Variants in ZNF700 observed in about 807,000 individuals in gnomAD.
ZNF700 encodes the protein zinc finger protein 700.
Under a neutral mutation model 65.3 loss-of-function variants are expected in ZNF700, and 38 were observed. The observed-to-expected ratio is 0.58, with a 90% CI of 0.45 to 0.76. ZNF700 has a LOEUF of 0.76. Ranked by LOEUF, ZNF700 falls within the 30% of genes least tolerant of loss-of-function variation. The pLI is 0.00. For synonymous variants in ZNF700, 285 were observed against 290.4 expected (o/e 0.98, Z 0.19); for missense variants, 857 against 888.4 (o/e 0.96, Z 0.45).
intron 1 of ZNF700, among the ~76,000 whole-genome samples, chr19:11,941,603 A>G (rs1006369215): frequency 6.6e-6 from 1 of 152,104 alleles, no homozygotes; most frequent in African/African-American, 2.4e-5. Flanking sequence ...CGGGGCCGCC[A>G]AGCCCACGCC....
chr19:11,929,211 G>C (rs930544655), intron 1 of ZNF700, among the ~76,000 whole-genome samples: 1 of 148,338 alleles, frequency 6.7e-6, no homozygotes, highest in African/African-American at 2.6e-5. Flanking sequence ...TGTCACCCAG[G>C]CTGGAGTGCA....
At chr19:11,935,233 GT>G (rs1278688727) in intron 1 of ZNF700, among the ~76,000 whole-genome samples, 2,895 of 93,166 alleles carry the variant, frequency 0.031, 27 homozygotes, top group African/African-American at 0.12. Flanking sequence ...GAAAGATCTT[GT>G]TTTTTTTTTT....
chr19:11,932,872 C>T lies in ZNF700; in HGVS notation c.63+7599C>T, dbSNP rs568434572. ...CAGGATGGTCTCAATATCCTGACCT[C>T]GTGATCCGCCTGCCTCAGCCTCCCA... is the stretch of plus-strand genomic sequence containing the variant. On this transcript the variant is annotated intron_variant, in intron 1 of 3. Transcript: ENST00000254321. Among the ~76,000 whole-genome samples, 8 of 148,170 alleles carry T rather than the reference C, an allele frequency of 5.4e-5. 1 individual carries two copies. In the East Asian group the frequency reaches 7.7e-4, roughly 14 times the overall value.
chr19:11,949,812 A>T lies in ZNF700; in HGVS notation c.1788A>T (p.Gln596His). The change falls in exon 4 of 4, where the codon CAA becomes CAT. Residue 596 changes from glutamine to histidine, a missense_variant. By Grantham distance (24) the Gln-to-His change is conservative. Coordinates refer to ENST00000254321, the MANE Select transcript of ZNF700 (RefSeq NM_144566.3). ...HTGEKPYECK[Q>H]CGKAFSCASN... ...GAGAGAAACCCTATGAGTGTAAGCA[A>T]TGTGGGAAAGCCTTCAGTTGTGCCT... 1 of 1,607,368 alleles carries T rather than the reference A, an allele frequency of 6.2e-7. No homozygotes were observed. The highest frequency in any genetic ancestry group is 8.5e-7 in the Non-Finnish European group (1 of 1,177,354).
chr19:11,931,011 AAAC>A (rs1435736840), intron 1 of ZNF700, among the ~76,000 whole-genome samples: 1 of 147,718 alleles, frequency 6.8e-6, no homozygotes. Context: ...AAAAAAAAAA[AAAC>A]AACATAGATG....
Position 11,930,141 on chromosome 19 carries a change from C to T in ZNF700, c.63+4868C>T, listed in dbSNP as rs567755032. Among the ~76,000 whole-genome samples, 19 of 148,294 alleles carry T rather than the reference C, an allele frequency of 1.3e-4. 1 individual carries two copies. Among genetic ancestry groups the T allele is most frequent in the Non-Finnish European group, 2.1e-4 (14 of 67,902 alleles). On this transcript the variant is annotated intron_variant, in intron 1 of 3. Coordinates refer to ENST00000254321, the MANE Select transcript of ZNF700 (RefSeq NM_144566.3). ...TGGAGGAGATGCCTGGTATACTTTT[C>T]ATCTAGATACCCAGTTCGTGGGTGC...
chr19:11,929,990 T>C (rs1443121766), intron 1 of ZNF700, among the ~76,000 whole-genome samples: 3 of 148,136 alleles, frequency 2.0e-5, no homozygotes, highest in African/African-American at 7.9e-5. Context: ...TTTCCAGATT[T>C]TGAGTTTTAG....
rs770769285 is a variant in ZNF700, at chr19:11,925,170, G to C, written c.-41G>C. On this transcript the variant is annotated 5_prime_UTR_variant, in exon 1 of 4. Transcript: ENST00000254321. ...GGTCAGACCAGCCCGAGAGGGACCT[G>C]GTGCCTGTACCCAGGCTTCTGTCGC... The C allele has an allele frequency of 1.9e-6, 3 of 1,608,580 alleles. No homozygotes were observed. The highest frequency in any genetic ancestry group is 2.2e-5 in the South Asian group (2 of 91,044).
At chr19:11,926,002 A>G (rs986496478) in intron 1 of ZNF700, among the ~76,000 whole-genome samples, 13 of 152,116 alleles carry the variant, frequency 8.5e-5, no homozygotes, top group Admixed American at 2.0e-4. Flanking sequence ...GGGGGGTTAG[A>G]AGGCACAGGT....
intron 1 of ZNF700, among the ~76,000 whole-genome samples, chr19:11,943,589 G>A (rs1342263417): frequency 6.6e-6 from 1 of 152,106 alleles, no homozygotes; most frequent in Admixed American, 6.5e-5. Flanking sequence ...GCTCAGATGG[G>A]TTATGGTACA....
chr19:11,946,306 G>C lies in ZNF700; in HGVS notation c.64-875G>C. ...GGTGGTCTAGGGGTGTATCTGTCCA[G>C]AGGAGGCACAGGTGCTGTGGGCTCA... On this transcript the variant is annotated intron_variant, in intron 1 of 3. Transcript: ENST00000254321. Among the ~76,000 whole-genome samples, 2 of 152,164 alleles carry C rather than the reference G, an allele frequency of 1.3e-5. 1 individual carries two copies. Among genetic ancestry groups the C allele is most frequent in the East Asian group, 3.9e-4 (2 of 5,192 alleles).
chr19:11,928,680 C>T lies in ZNF700; in HGVS notation c.63+3407C>T, dbSNP rs763226907. Reference sequence around the variant, plus strand: ...CCGGGAGGCGGAGCTTGCAGTGAGCCGAGATCCCGCCACTGCATTCCAGCC... The same window carrying T: ...CCGGGAGGCGGAGCTTGCAGTGAGCTGAGATCCCGCCACTGCATTCCAGCC... On this transcript the variant is annotated intron_variant, in intron 1 of 3. Transcript: ENST00000254321. 3.7e-4 allele frequency among the ~76,000 whole-genome samples: 52 copies of T among 140,372 alleles called. 1 individual carries two copies. Among genetic ancestry groups the T allele is most frequent in the Admixed American group, 3.0e-3 (42 of 14,134 alleles). The allele number at this position is 140,372 out of a possible 152,430, so 92.1% of individuals were successfully genotyped here. A position where few individuals can be genotyped will look rare whatever the true frequency, so the allele number is the denominator to read the frequency against.
intron 1 of ZNF700, among the ~76,000 whole-genome samples, chr19:11,935,107 C>T (rs1424577530): frequency 2.3e-5 from 3 of 131,696 alleles, no homozygotes; most frequent in East Asian, 4.6e-4. Flanking sequence ...ACCCGGGAGG[C>T]GGAGCTTGCA....
chr19:11,934,696 T>G (rs1972763483), intron 1 of ZNF700, among the ~76,000 whole-genome samples: 1 of 147,338 alleles, frequency 6.8e-6, no homozygotes. Context: ...CTGACCAATT[T>G]TTGTATTATT....
At chr19:11,933,707 C>T (rs2145278998) in intron 1 of ZNF700, among the ~76,000 whole-genome samples, 1 of 147,740 alleles carries the variant, frequency 6.8e-6, no homozygotes, top group South Asian at 2.1e-4. Context: ...CTTGACAACT[C>T]ATGTATTTTT....
Position 11,935,049 on chromosome 19 carries a change from C to T in ZNF700, c.63+9776C>T, listed in dbSNP as rs1056052515. ...AAAATTAGCCAGGCATGGTGGCGGGCGCCTATAGTCCCAGCTACTGGGAGG... is the reference window on the plus strand; with the variant it reads ...AAAATTAGCCAGGCATGGTGGCGGGTGCCTATAGTCCCAGCTACTGGGAGG... On this transcript the variant is annotated intron_variant, in intron 1 of 3. Transcript: ENST00000254321. 7.6e-5 allele frequency among the ~76,000 whole-genome samples: 11 copies of T among 144,834 alleles called. 1 individual carries two copies. Among genetic ancestry groups the T allele is most frequent in the East Asian group, 2.1e-4 (1 of 4,782 alleles).
At position 11,935,054 on chromosome 19, in the gene ZNF700, A is replaced by G. The variant is rs183952; in HGVS notation, c.63+9781A>G. On this transcript the variant is annotated intron_variant, in intron 1 of 3. Coordinates refer to ENST00000254321, the MANE Select transcript of ZNF700 (RefSeq NM_144566.3). ...TAGCCAGGCATGGTGGCGGGCGCCT[A>G]TAGTCCCAGCTACTGGGAGGCTGAG... 7.7e-4 allele frequency among the ~76,000 whole-genome samples: 111 copies of G among 144,704 alleles called. 14 individuals carry two copies. The highest frequency in any genetic ancestry group is 2.6e-3 in the African/African-American group (93 of 36,046). 94.9% of individuals were successfully genotyped at this position (144,704 alleles called of 152,430 possible). A position where few individuals can be genotyped will look rare whatever the true frequency, so the allele number is the denominator to read the frequency against.
At position 11,948,382 on chromosome 19, in the gene ZNF700, T is replaced by A. The variant is rs757658997; in HGVS notation, c.358T>A (p.Ser120Thr). Residue 120 changes from serine (S) to threonine (T), a missense_variant, in exon 4 of 4, where the codon TCT (serine) becomes ACT (threonine). By Grantham distance (58) the Ser-to-Thr change is moderately conservative. Around this residue, in one of 3 missense-constraint regions of ZNF700, gnomAD observed 603 missense variants for 619.9 expected, o/e 0.97. Coordinates refer to ENST00000254321, the MANE Select transcript of ZNF700 (RefSeq NM_144566.3). ...DRLNFQEKKA[S>T]PEVKSCDSFV... is the part of the protein sequence containing the mutation. ...ACTGAACTTCCAGGAGAAGAAAGCTTCTCCTGAAGTAAAATCATGTGACAG... is the reference window on the plus strand; with the variant it reads ...ACTGAACTTCCAGGAGAAGAAAGCTACTCCTGAAGTAAAATCATGTGACAG... 40 of 1,613,826 alleles carry A rather than the reference T, an allele frequency of 2.5e-5. No individual in the cohort carries two copies. In the Middle Eastern group the frequency reaches 1.3e-3, roughly 53 times the overall value.
At chr19:11,940,390 G>A (rs578039715) in intron 1 of ZNF700, among the ~76,000 whole-genome samples, 51 of 152,256 alleles carry the variant, frequency 3.3e-4, no homozygotes, top group African/African-American at 1.1e-3. Flanking sequence ...CTGATGTTTG[G>A]ATGTGTTCAG....
Sources: gnomAD v4.1 joint callset for allele counts (sites outside exome capture counted in the v4.1 genomes callset) on GRCh38, gnomAD v4.1.1 for gene constraint, gnomAD v4.1.1 regional missense constraint, MANE v1.5 for transcripts, NCBI Gene and HGNC (gene_info 2026-07-23, HGNC 2026-07-21) for gene names.